FGD4: variants seen among roughly 807,000 people sequenced by gnomAD.
FGD4 encodes FYVE, RhoGEF and PH domain containing 4, also known as FYVE, RhoGEF and PH domain-containing protein 4.
FGD4 carries 42 observed loss-of-function variants against 102.0 expected under a neutral mutation model. That is an observed-to-expected ratio of 0.41 (90% CI 0.32 to 0.53). FGD4 has a LOEUF of 0.53. FGD4 is among the 20% of genes least tolerant of loss of function. The pLI is 0.21. For missense variants in FGD4, 902 were observed against 1,078.2 expected (o/e 0.84, Z 2.29); for synonymous variants, 380 against 375.7 (o/e 1.01, Z -0.13).
chr12:32,638,436 A>G (rs1382026464), intron 15 of FGD4, among the ~76,000 whole-genome samples: 1 of 152,254 alleles, frequency 6.6e-6, no homozygotes, highest in African/African-American at 2.4e-5. Flanking sequence ...ATAGTAAGCA[A>G]TCAATAAACA....
At chr12:32,613,623 G>C (rs1315771279) in intron 10 of FGD4, among the ~76,000 whole-genome samples, 1 of 152,088 alleles carries the variant, frequency 6.6e-6, no homozygotes, top group Non-Finnish European at 1.5e-5. Flanking sequence ...GGGCATGGTA[G>C]CTTGCACCTG....
rs78938458 is a variant in FGD4 at position 32,616,355 on chromosome 12, C to A, written c.1750-3343C>A. ...GCAGTCAGTGACTGAGGAAAAGACC[C>A]CTCCTGTTCCAGTTACTTTAAGCCA... is the stretch of plus-strand genomic sequence containing the variant. On this transcript the variant is annotated intron_variant, in intron 10 of 16. Transcript: ENST00000534526. Among the ~76,000 whole-genome samples, 360 of 152,314 alleles carry A rather than the reference C, an allele frequency of 2.4e-3. 2 individuals are homozygous for A. Among genetic ancestry groups the A allele is most frequent in the African/African-American group, 8.1e-3 (337 of 41,550 alleles).
rs1171671658 is a variant in FGD4 at position 32,506,902 on chromosome 12, A to T, written c.167-57235A>T. 2.6e-5 allele frequency among the ~76,000 whole-genome samples: 4 copies of T among 152,088 alleles called. No homozygotes were observed. The highest frequency in any genetic ancestry group is 7.2e-5 in the African/African-American group (3 of 41,408). On this transcript the variant is annotated intron_variant, in intron 1 of 16. Coordinates refer to ENST00000534526, the MANE Select transcript of FGD4 (RefSeq NM_001370298.3). This position sits in a 1 kb window ranked among gnomAD's most constrained non-coding sequence, Gnocchi z 4.5. ...ACAAAATGGGCTATGTTAAAGAGGGAGTTGAGGGTGGCAAACTTTATTTTT... is the reference window on the plus strand; with the variant it reads ...ACAAAATGGGCTATGTTAAAGAGGGTGTTGAGGGTGGCAAACTTTATTTTT...
At chr12:32,414,154 TAG>T (rs1941314191) in intron 1 of FGD4, among the ~76,000 whole-genome samples, 1 of 152,068 alleles carries the variant, frequency 6.6e-6, no homozygotes, top group African/African-American at 2.4e-5. Flanking sequence ...ATATTTTTAG[TAG>T]AGACAGTGTT....
rs118039165 is a variant in FGD4 at position 32,403,586 on chromosome 12, G to A, written c.166+3627G>A. 2.6e-3 allele frequency among the ~76,000 whole-genome samples: 372 copies of A among 140,912 alleles called. No individual in the cohort carries two copies. The Middle Eastern group carries it at 0.035, about 13-fold the overall frequency. 92.4% of individuals were successfully genotyped at this position (140,912 alleles called of 152,430 possible). A position where few individuals can be genotyped will look rare whatever the true frequency, so the allele number is the denominator to read the frequency against. On this transcript the variant is annotated intron_variant, in intron 1 of 16. Coordinates refer to ENST00000534526, the MANE Select transcript of FGD4 (RefSeq NM_001370298.3). ...GCTACTGCACTCCAGCCTGAGCAACGCAGCAAAACTCCATCTTTTTTTTTT... is the reference window on the plus strand; with the variant it reads ...GCTACTGCACTCCAGCCTGAGCAACACAGCAAAACTCCATCTTTTTTTTTT...
At chr12:32,556,274 T>C (rs1477858159) in intron 1 of FGD4, among the ~76,000 whole-genome samples, 1 of 152,206 alleles carries the variant, frequency 6.6e-6, no homozygotes, top group Non-Finnish European at 1.5e-5. Context: ...TTAATTGTGG[T>C]AAAAGGTACT....
chr12:32,497,677 C>T (rs1937907262), intron 1 of FGD4, among the ~76,000 whole-genome samples: 2 of 152,104 alleles, frequency 1.3e-5, no homozygotes, highest in Admixed American at 1.3e-4. Flanking sequence ...CATGGAAATA[C>T]AAGTAAAACC....
intron 1 of FGD4, among the ~76,000 whole-genome samples, chr12:32,504,816 G>A (rs141244673): frequency 1.3e-5 from 2 of 152,142 alleles, no homozygotes; most frequent in Admixed American, 6.5e-5. Flanking sequence ...TTCAGCATAC[G>A]CAGTCAAGTC....
In FGD4 at chr12:32,549,665, A is replaced by T. The variant is rs77290678; in HGVS notation, c.167-14472A>T. On this transcript the variant is annotated intron_variant, in intron 1 of 16. Transcript: ENST00000534526. ...AAGTACCAAAGGGACTATATCTAAT[A>T]ATAACAATGAGATTGAAAATGAGGG... Among the ~76,000 whole-genome samples, 711 of 152,320 alleles carry T rather than the reference A, an allele frequency of 4.7e-3. 12 individuals carry two copies. Among genetic ancestry groups the T allele is most frequent in the African/African-American group, 0.016 (674 of 41,568 alleles).
rs993878839 is a variant in FGD4 at position 32,483,052 on chromosome 12, G to A, written c.167-81085G>A. Reference sequence around the variant, plus strand: ...TCAAGATACGGAATATAATGATGGTGTTAGGAAAATATAAATAGCTTAGTG... The same window carrying A: ...TCAAGATACGGAATATAATGATGGTATTAGGAAAATATAAATAGCTTAGTG... On this transcript the variant is annotated intron_variant, in intron 1 of 16. Coordinates refer to ENST00000534526, the MANE Select transcript of FGD4 (RefSeq NM_001370298.3). Among the ~76,000 whole-genome samples the A allele has an allele frequency of 2.0e-5, 3 of 152,296 alleles. No homozygotes were observed. In the South Asian group the frequency reaches 6.2e-4, roughly 32 times the overall value.
At chr12:32,625,573 G>C in intron 13 of FGD4, 81 bp from the exon 14 acceptor site, 1 of 1,510,696 alleles carries the variant, frequency 6.6e-7, no homozygotes. Context: ...GAGCAATGTA[G>C]TTAAAGTTCT....
Position 32,627,138 on chromosome 12 carries a change from C to G in FGD4, c.2172+1359C>G, listed in dbSNP as rs187361845. Reference sequence around the variant, plus strand: ...GCTGGGTTACAGGCGTGAGCCACCACGTCCGGCTAAATACATTTTTTTTCT... The same window carrying G: ...GCTGGGTTACAGGCGTGAGCCACCAGGTCCGGCTAAATACATTTTTTTTCT... On this transcript the variant is annotated intron_variant, in intron 14 of 16. Coordinates refer to ENST00000534526, the MANE Select transcript of FGD4 (RefSeq NM_001370298.3). 6.4e-3 allele frequency among the ~76,000 whole-genome samples: 956 copies of G among 148,990 alleles called. 1 individual carries two copies. Among genetic ancestry groups the G allele is most frequent in the Middle Eastern group, 0.026 (7 of 268 alleles).
intron 4 of FGD4, among the ~76,000 whole-genome samples, chr12:32,584,968 C>T (rs1946884265): frequency 6.6e-6 from 1 of 151,902 alleles, no homozygotes; most frequent in African/African-American, 2.4e-5. Context: ...CCTGTGTAAT[C>T]CCAGCACTTT....
chr12:32,517,668 G>C (rs556748660), intron 1 of FGD4, among the ~76,000 whole-genome samples: 4 of 152,274 alleles, frequency 2.6e-5, no homozygotes, highest in African/African-American at 9.6e-5. Context: ...CAAGGCAGGA[G>C]AATTGCTTGA....
intron 1 of FGD4, among the ~76,000 whole-genome samples, chr12:32,503,877 C>T (rs2136633544): frequency 6.6e-6 from 1 of 152,186 alleles, no homozygotes; most frequent in South Asian, 2.1e-4. Context: ...TTACCATTAT[C>T]TTAGAATCCA....
chr12:32,493,383 C>T (rs1319723587), intron 1 of FGD4, among the ~76,000 whole-genome samples: 1 of 152,180 alleles, frequency 6.6e-6, no homozygotes, highest in Non-Finnish European at 1.5e-5. Context: ...TTCCTTTGAG[C>T]CCTACTCTGT....
chr12:32,449,969 G>A (rs187384667), intron 1 of FGD4, among the ~76,000 whole-genome samples: 22 of 151,544 alleles, frequency 1.5e-4, no homozygotes, highest in Admixed American at 1.2e-3. Flanking sequence ...GTCTTGCTCC[G>A]TCACCCAGGC....
At chr12:32,471,505 A>C (rs543938801) in intron 1 of FGD4, among the ~76,000 whole-genome samples, 1 of 152,340 alleles carries the variant, frequency 6.6e-6, no homozygotes, top group South Asian at 2.1e-4. Flanking sequence ...TTTCAGAAGA[A>C]AGAAAAGGTT....
At chr12:32,608,977 C>T (rs554078311) in intron 8 of FGD4, among the ~76,000 whole-genome samples, 4 of 152,254 alleles carry the variant, frequency 2.6e-5, no homozygotes, top group South Asian at 2.1e-4. Context: ...AGTGCAGTGG[C>T]GCGATCTTAG....
Sources: allele counts gnomAD v4.1 joint callset (sites outside exome capture counted in the v4.1 genomes callset), GRCh38; gene constraint gnomAD v4.1.1; non-coding constraint Gnocchi (gnomAD v3.1); transcripts MANE v1.5; gene names NCBI Gene and HGNC (gene_info 2026-07-23, HGNC 2026-07-21).